The following NUP205 variants were observed in gnomAD, a reference collection of about 807,000 sequenced individuals.
NUP205 encodes nuclear pore complex protein Nup205.
A neutral mutation model predicts 253.8 loss-of-function variants in NUP205; 76 were observed. That is an observed-to-expected ratio of 0.30 (90% CI 0.25 to 0.36). The LOEUF is 0.36. Among genes scored for constraint, NUP205 ranks in the 10% least tolerant of loss-of-function variants. NUP205 has a pLI of 1.00. For synonymous variants in NUP205, 832 were observed against 850.1 expected (o/e 0.98, Z 0.37); for missense variants, 2,162 against 2,425.5 (o/e 0.89, Z 2.28).
chr7:135,625,284 C>T lies in NUP205; in HGVS notation c.4600C>T (p.Arg1534Cys), dbSNP rs1370391760. ...CGTAGACAGCTTGGTAGAAGATGAC[C>T]GTACTTTGCAGAGCTTACTCACCCC... ...VLVDSLVEDD[R>C]TLQSLLTPQP... The change falls in exon 32 of 43, where the codon CGT (arginine) becomes TGT (cysteine). Residue 1534 changes from arginine to cysteine, a missense_variant. Around this residue, in one of 5 missense-constraint regions of NUP205, gnomAD observed 1,144 missense variants for 1,280.9 expected, o/e 0.89. Transcript: ENST00000285968. 10 of 1,613,938 alleles carry T rather than the reference C, an allele frequency of 6.2e-6. No individual in the cohort carries two copies. The highest frequency in any genetic ancestry group is 3.3e-5 in the Admixed American group (2 of 59,982).
rs1448899306 is a variant in NUP205, at chr7:135,618,550, G to T, written c.3910G>T (p.Ala1304Ser). Residue 1304 changes from alanine to serine, a missense_variant, in exon 28 of 43, where the codon GCA (alanine) becomes TCA (serine). Coordinates refer to ENST00000285968, the MANE Select transcript of NUP205 (RefSeq NM_015135.3). The stretch of plus-strand genomic sequence containing the variant: ...AGCTTGTCCCCAGGACCTCATTCAG[G>T]CAGAGGATCGACAACTGATTATTCG... ...LTACPQDLIQ[A>S]EDRQLIIRDI... 4 of 1,613,040 alleles carry T rather than the reference G, an allele frequency of 2.5e-6. No homozygotes were observed. Among genetic ancestry groups the T allele is most frequent in the Non-Finnish European group, 3.4e-6 (4 of 1,179,632 alleles).
intron 32 of NUP205, among the ~76,000 whole-genome samples, chr7:135,626,000 A>T (rs1794580948): frequency 6.6e-6 from 1 of 152,232 alleles, no homozygotes; most frequent in Admixed American, 6.5e-5. Flanking sequence ...AACAGGACCC[A>T]CACTGTAAAC....
intron 38 of NUP205, among the ~76,000 whole-genome samples, chr7:135,642,843 GGTGTGTGTGTGTGTGT>G (rs57007288): frequency 0.13 from 18,829 of 144,962 alleles, 1,393 homozygotes; most frequent in East Asian, 0.24. Flanking sequence ...GATGTGGAGG[GGTGTGTGTGTGTGTGT>G]GTGTGTGTGT....
chr7:135,644,790 G>A (rs1454359421), intron 39 of NUP205, 105 bp from the exon 40 acceptor site: 4 of 1,091,766 alleles, frequency 3.7e-6, no homozygotes, highest in Non-Finnish European at 5.3e-6. Context: ...GTTTAAATTT[G>A]AGTGTTTTTC....
chr7:135,564,127 G>T (rs1322376684), intron 1 of NUP205, among the ~76,000 whole-genome samples: 3 of 151,614 alleles, frequency 2.0e-5, no homozygotes, highest in Non-Finnish European at 2.9e-5. Context: ...TGCCCACGCT[G>T]GAGTGCAGTG....
At chr7:135,591,957 C>G (rs1455444477) in intron 11 of NUP205, among the ~76,000 whole-genome samples, 2 of 152,140 alleles carry the variant, frequency 1.3e-5, no homozygotes, top group East Asian at 3.9e-4. Flanking sequence ...AATTTCAGTA[C>G]TTAGAATTTT....
At chr7:135,590,713 A>G (rs1806607347) in intron 10 of NUP205, among the ~76,000 whole-genome samples, 1 of 151,776 alleles carries the variant, frequency 6.6e-6, no homozygotes, top group Non-Finnish European at 1.5e-5. Flanking sequence ...TTGTATTTTT[A>G]GTAGAGACGG....
In NUP205 at chr7:135,576,381, C is replaced by T. The variant is rs1363059612; in HGVS notation, c.455C>T (p.Ser152Phe). ...IANSLKALIQ[S>F]RRGKTWTLEL... ...AATTCCTTGAAAGCCTTGATACAGT[C>T]TAGACGGGGAAAGACATGGACCCTA... The change falls in exon 4 of 43, where the codon TCT (serine) becomes TTT (phenylalanine). Residue 152 changes from serine (S) to phenylalanine (F), a missense_variant. Physicochemically the swap from Ser to Phe is radical, Grantham distance 155. Transcript: ENST00000285968. 6.2e-7 allele frequency: 1 copy of T among 1,613,658 alleles called. No homozygotes were observed. The highest frequency in any genetic ancestry group is 8.5e-7 in the Non-Finnish European group (1 of 1,179,850).
chr7:135,559,170 G>A (rs1460356335), intron 1 of NUP205, among the ~76,000 whole-genome samples: 1 of 152,098 alleles, frequency 6.6e-6, no homozygotes. Context: ...AACATCTAAT[G>A]ATCTAAGTCA....
chr7:135,583,110 A>C (rs1044285998), intron 7 of NUP205, among the ~76,000 whole-genome samples: 1 of 152,036 alleles, frequency 6.6e-6, no homozygotes, highest in African/African-American at 2.4e-5. Flanking sequence ...ATAAATAAAT[A>C]ATAAAAATGA....
At position 135,578,126 on chromosome 7, in the gene NUP205, T is replaced by C. The variant is rs995746007; in HGVS notation, c.877+102T>C. ...TATTTTAGCTACTAAAATAGTCTGC[T>C]CTGTTCCTGTGTTTGCAGTCCGTTC... On this transcript the variant is annotated intron_variant, in intron 6 of 42. Transcript: ENST00000285968. The C allele has an allele frequency of 4.3e-5, 33 of 771,852 alleles. No individual in the cohort carries two copies. The Admixed American group carries it at 4.9e-4, about 12-fold the overall frequency. 47.8% of individuals were successfully genotyped at this position (771,852 alleles called of 1,614,324 possible).
intron 26 of NUP205, 96 bp from the exon 27 acceptor site, chr7:135,617,506 C>A: frequency 1.1e-6 from 1 of 899,268 alleles, no homozygotes. Flanking sequence ...GTATCTGACA[C>A]CTTTCCCTTT....
At chr7:135,616,763 A>T in intron 25 of NUP205, 37 bp downstream of exon 25, 1 of 1,247,786 alleles carries the variant, frequency 8.0e-7, no homozygotes, top group Non-Finnish European at 1.1e-6. Context: ...TTTATTTTAT[A>T]GACATATATT....
chr7:135,616,984 T>C (rs1794375316), intron 25 of NUP205, 106 bp from the exon 26 acceptor site: 1 of 819,756 alleles, frequency 1.2e-6, no homozygotes, highest in Non-Finnish European at 1.9e-6. Context: ...GACTATTTTA[T>C]GCTCTTTCTG....
intron 38 of NUP205, among the ~76,000 whole-genome samples, chr7:135,640,232 A>G (rs893510166): frequency 6.6e-6 from 1 of 152,246 alleles, no homozygotes; most frequent in East Asian, 1.9e-4. Context: ...AAAGAAAAAA[A>G]GAAAAATATA....
intron 41 of NUP205, 27 bp downstream of exon 41, chr7:135,645,623 A>G: frequency 6.3e-7 from 1 of 1,598,948 alleles, no homozygotes; most frequent in South Asian, 1.1e-5. Flanking sequence ...AAATTAATGA[A>G]CCATAAATAC....
intron 1 of NUP205, among the ~76,000 whole-genome samples, chr7:135,566,786 G>A (rs1273479685): frequency 6.6e-6 from 1 of 152,010 alleles, no homozygotes; most frequent in Non-Finnish European, 1.5e-5. Context: ...TGCCCAGGCT[G>A]AAGCGCAGTG....
chr7:135,593,188 C>T lies in NUP205; in HGVS notation c.1826C>T (p.Thr609Ile), dbSNP rs765997284. ...TTGCAGCTCACGTCTACCATCATTA[C>T]TTGGGTAGGTAACTCATCCCCAGCA... Reference protein sequence around the residue: ...AFLQLTSTIITWSENARLALC... With the variant: ...AFLQLTSTIIIWSENARLALC... Residue 609 changes from threonine (T) to isoleucine (I), a missense_variant, in exon 12 of 43, where the codon ACT becomes ATT. Physicochemically the swap from Thr to Ile is moderately conservative, Grantham distance 89 (BLOSUM62 -1). Coordinates refer to ENST00000285968, the MANE Select transcript of NUP205 (RefSeq NM_015135.3). 6 of 1,613,568 alleles carry T rather than the reference C, an allele frequency of 3.7e-6. No homozygotes were observed. Among genetic ancestry groups the T allele is most frequent in the Non-Finnish European group, 4.2e-6 (5 of 1,179,554 alleles).
chr7:135,573,014 G>A (rs1330718276), intron 2 of NUP205, among the ~76,000 whole-genome samples: 1 of 147,188 alleles, frequency 6.8e-6, no homozygotes, highest in Admixed American at 6.9e-5. Context: ...CTGGGAACCA[G>A]TTGAGCTGAT....
Sources: allele counts gnomAD v4.1 joint callset (sites outside exome capture counted in the v4.1 genomes callset), GRCh38; gene constraint gnomAD v4.1.1; regional missense constraint gnomAD v4.1.1; transcripts MANE v1.5; gene names NCBI Gene and HGNC (gene_info 2026-07-23, HGNC 2026-07-21).